The following CLIP1 variants were observed in gnomAD, a reference collection of about 807,000 sequenced individuals.
The protein encoded by CLIP1 is CAP-Gly domain containing linker protein 1, also known as CAP-Gly domain-containing linker protein 1.
A neutral mutation model predicts 161.6 loss-of-function variants in CLIP1; 66 were observed. The ratio of observed to expected loss-of-function variants is 0.41; its 90% CI spans 0.33 to 0.50. CLIP1 has a LOEUF of 0.50. Among genes scored for constraint, CLIP1 ranks in the 20% least tolerant of loss-of-function variants. The pLI, the probability that CLIP1 is intolerant of heterozygous loss-of-function variation, is 0.27. For missense variants in CLIP1, 1,376 were observed against 1,702.0 expected (o/e 0.81, Z 3.37); for synonymous variants, 598 against 626.2 (o/e 0.96, Z 0.67).
At chr12:122,301,693 C>T (rs1950684787) in intron 20 of CLIP1, among the ~76,000 whole-genome samples, 1 of 152,112 alleles carries the variant, frequency 6.6e-6, no homozygotes, top group African/African-American at 2.4e-5. Flanking sequence ...AAGAACCCCA[C>T]AACATTAGTA....
At chr12:122,365,625 T>C (rs1478475515) in intron 3 of CLIP1, 1 of 955,676 alleles carries the variant, frequency 1.0e-6, no homozygotes, top group East Asian at 2.4e-5. Context: ...TATGAATTCA[T>C]GGCATAATAG....
intron 1 of CLIP1, among the ~76,000 whole-genome samples, chr12:122,402,946 A>G (rs902573989): frequency 3.9e-5 from 6 of 152,212 alleles, no homozygotes; most frequent in Non-Finnish European, 8.8e-5. Context: ...GACTCACCAC[A>G]TTTCACGTGC....
At chr12:122,356,405 A>T (rs1953364199) in intron 5 of CLIP1, among the ~76,000 whole-genome samples, 1 of 152,230 alleles carries the variant, frequency 6.6e-6, no homozygotes, top group Non-Finnish European at 1.5e-5. Context: ...TTTCAATAAC[A>T]TCATGTACTT....
chr12:122,402,005 A>C (rs1956159896), intron 1 of CLIP1, among the ~76,000 whole-genome samples: 1 of 151,998 alleles, frequency 6.6e-6, no homozygotes, highest in South Asian at 2.1e-4. Flanking sequence ...CTCAAAAAAA[A>C]AAAAAGTGTG....
intron 1 of CLIP1, among the ~76,000 whole-genome samples, chr12:122,397,159 T>C (rs191367048): frequency 1.2e-3 from 180 of 151,684 alleles, no homozygotes; most frequent in Non-Finnish European, 2.1e-3. Flanking sequence ...TTCTAGCCAG[T>C]GGAATAAGTG....
chr12:122,304,258 A>G (rs79058587), intron 20 of CLIP1, among the ~76,000 whole-genome samples: 47 of 152,354 alleles, frequency 3.1e-4, no homozygotes, highest in African/African-American at 1.1e-3. Flanking sequence ...AGAGAATTCA[A>G]GTACAAATTC....
intron 15 of CLIP1, among the ~76,000 whole-genome samples, chr12:122,332,088 G>A (rs1468921108): frequency 6.6e-6 from 1 of 152,136 alleles, no homozygotes; most frequent in Admixed American, 6.6e-5. Flanking sequence ...CTGAGGTCAG[G>A]AGTTCGAGAC....
At chr12:122,327,882 C>T in intron 17 of CLIP1, 65 bp downstream of exon 17, 1 of 1,491,138 alleles carries the variant, frequency 6.7e-7, no homozygotes, top group East Asian at 2.3e-5. Flanking sequence ...TTCTAAGCAC[C>T]CTTCCTGCCT....
At chr12:122,315,652 T>TTTTTTC (rs1951233210) in intron 19 of CLIP1, among the ~76,000 whole-genome samples, 1 of 7,734 alleles carries the variant, frequency 1.3e-4, no homozygotes, top group South Asian at 3.1e-3. Context: ...TTTCTTTTTT[T>TTTTTTC]TTTTTTGAGA....
intron 24 of CLIP1, among the ~76,000 whole-genome samples, chr12:122,276,210 A>G (rs1955420138): frequency 6.6e-6 from 1 of 152,094 alleles, no homozygotes; most frequent in Non-Finnish European, 1.5e-5. Flanking sequence ...GTTAGCAATC[A>G]CTGCAGTCTT....
chr12:122,316,877 A>G (rs765097793), intron 18 of CLIP1, 22 bp from the exon 19 acceptor site: 1 of 1,350,378 alleles, frequency 7.4e-7, no homozygotes, highest in Non-Finnish European at 1.0e-6. Flanking sequence ...AGAGAAAAAA[A>G]CTTGATGAAA....
intron 1 of CLIP1, among the ~76,000 whole-genome samples, chr12:122,402,563 G>A (rs61954445): frequency 3.9e-5 from 6 of 152,102 alleles, no homozygotes; most frequent in Non-Finnish European, 1.5e-5. Context: ...ATCACTTGAG[G>A]TCAAGAGTTT....
intron 10 of CLIP1, among the ~76,000 whole-genome samples, chr12:122,345,807 CAG>C (rs938011830): frequency 6.7e-6 from 1 of 149,176 alleles, no homozygotes; most frequent in Non-Finnish European, 1.5e-5. Flanking sequence ...TTTTTTGAGA[CAG>C]AGTTTCGCTC....
intron 2 of CLIP1, among the ~76,000 whole-genome samples, chr12:122,380,162 GA>G (rs558578126): frequency 2.0e-4 from 30 of 151,056 alleles, no homozygotes; most frequent in African/African-American, 7.3e-4. Context: ...AGAATCGCTT[GA>G]ACCCAGGAGG....
chr12:122,308,812 A>C (rs1265904005), intron 20 of CLIP1, among the ~76,000 whole-genome samples: 2 of 152,208 alleles, frequency 1.3e-5, no homozygotes, highest in African/African-American at 4.8e-5. Flanking sequence ...AAAAGCAACA[A>C]TGAAGATTTT....
chr12:122,412,552 G>A (rs1956581753), intron 1 of CLIP1, among the ~76,000 whole-genome samples: 1 of 152,038 alleles, frequency 6.6e-6, no homozygotes, highest in Non-Finnish European at 1.5e-5. Flanking sequence ...CTACTCAAGA[G>A]GCTGAGGCAG....
At chr12:122,362,249 G>A (rs1403826794) in intron 4 of CLIP1, among the ~76,000 whole-genome samples, 12 of 149,762 alleles carry the variant, frequency 8.0e-5, no homozygotes, top group Admixed American at 4.0e-4. Context: ...ACCATGCCCC[G>A]CCCAAAAAAT....
At chr12:122,319,645 C>A (rs936071767) in intron 17 of CLIP1, among the ~76,000 whole-genome samples, 8 of 152,250 alleles carry the variant, frequency 5.3e-5, no homozygotes, top group Non-Finnish European at 1.0e-4. Flanking sequence ...GGCAAGCATG[C>A]TCCCTTCATT....
intron 9 of CLIP1, among the ~76,000 whole-genome samples, chr12:122,348,790 T>G (rs116377602): frequency 6.6e-6 from 1 of 152,086 alleles, no homozygotes; most frequent in Admixed American, 6.5e-5. Flanking sequence ...TGGACAATTA[T>G]GGGCAATGAA....
Sources: gnomAD v4.1 joint callset for allele counts (sites outside exome capture counted in the v4.1 genomes callset) on GRCh38, gnomAD v4.1.1 for gene constraint, MANE v1.5 for transcripts, NCBI Gene and HGNC (gene_info 2026-07-23, HGNC 2026-07-21) for gene names.